Variants in IPO5 observed in about 807,000 individuals in gnomAD.
IPO5 encodes the protein importin-5.
IPO5 carries 18 observed loss-of-function variants against 143.3 expected under a neutral mutation model. The observed-to-expected ratio is 0.13, with a 90% confidence interval of 0.09 to 0.19. The LOEUF (loss-of-function observed/expected upper bound fraction) is 0.19, where lower values mean the gene tolerates loss of function less well. Ranked by LOEUF, IPO5 falls within the 10% of genes least tolerant of loss-of-function variation. The probability of loss-of-function intolerance (pLI) is 1.00; values close to 1 mark genes in which losing one functional copy is unlikely to be tolerated. For synonymous variants in IPO5, 477 were observed against 465.7 expected (o/e 1.02, Z -0.31); for missense variants, 1,013 against 1,336.9 (o/e 0.76, Z 3.78).
intron 6 of IPO5, among the ~76,000 whole-genome samples, chr13:97,988,652 G>A (rs1887573228): frequency 6.6e-6 from 1 of 152,200 alleles, no homozygotes; most frequent in South Asian, 2.1e-4. Flanking sequence ...GTCAGGCATG[G>A]TGGCAGGCGC....
At chr13:98,011,738 C>T (rs1182513480) in intron 20 of IPO5, among the ~76,000 whole-genome samples, 1 of 152,176 alleles carries the variant, frequency 6.6e-6, no homozygotes, top group Non-Finnish European at 1.5e-5. Context: ...AACTCCTGAC[C>T]TCGTGATCTA....
Position 98,015,230 on chromosome 13 carries a change from C to T in IPO5, c.2326-300C>T, listed in dbSNP as rs1253985729. On this transcript the variant is annotated intron_variant, in intron 22 of 28. Coordinates refer to ENST00000651721, the MANE Select transcript of IPO5 (RefSeq NM_002271.6). ...GAGTATGGATATAGCAATTGTGTTC[C>T]TTAGGAGCTGGTTGTGTGTGTGTGT... Among the ~76,000 whole-genome samples, 4 of 129,294 alleles carry T rather than the reference C, an allele frequency of 3.1e-5. No homozygotes were observed. The East Asian group carries it at 8.5e-4, about 28-fold the overall frequency. 84.8% of individuals were successfully genotyped at this position (129,294 alleles called of 152,430 possible).
At chr13:98,009,528 A>T (rs1454363874) in intron 18 of IPO5, among the ~76,000 whole-genome samples, 1 of 152,236 alleles carries the variant, frequency 6.6e-6, no homozygotes, top group Non-Finnish European at 1.5e-5. Flanking sequence ...AAAAATTTGT[A>T]ACTGGGAGTT....
chr13:98,012,229 C>G lies in IPO5; in HGVS notation c.2056-17C>G, dbSNP rs1400263194. On this transcript the variant is annotated splice_polypyrimidine_tract_variant and intron_variant, in intron 20 of 28. Transcript: ENST00000651721. ...ACTAACATGAATCTTTATTTCCTCCCAATACTTTGGTTACAGGTTTGCTAT... is the reference window on the plus strand; with the variant it reads ...ACTAACATGAATCTTTATTTCCTCCGAATACTTTGGTTACAGGTTTGCTAT... 1.4e-6 allele frequency: 2 copies of G among 1,443,730 alleles called. No homozygotes were observed. The highest frequency in any genetic ancestry group is 1.1e-5 in the South Asian group (1 of 87,504). 89.4% of individuals were successfully genotyped at this position (1,443,730 alleles called of 1,614,324 possible).
intron 17 of IPO5, among the ~76,000 whole-genome samples, chr13:98,007,020 C>T (rs1245077560): frequency 6.6e-6 from 1 of 151,502 alleles, no homozygotes; most frequent in East Asian, 1.9e-4. Flanking sequence ...CACCTGCCAC[C>T]ACTCCCAGCT....
At position 97,977,236 on chromosome 13, in the gene IPO5, C is replaced by T. The variant is rs1886449510; in HGVS notation, c.90+450C>T. Among the ~76,000 whole-genome samples the T allele has an allele frequency of 2.0e-5, 3 of 152,340 alleles. No homozygotes were observed. In the South Asian group the frequency reaches 6.2e-4, roughly 32 times the overall value. The stretch of plus-strand genomic sequence containing the variant: ...ACCCTGGCTGCTACCTGACCCGTCA[C>T]GCCTGCTTCTACCCCTGCTCATCTC... On this transcript the variant is annotated intron_variant, in intron 4 of 28. Transcript: ENST00000651721.
intron 16 of IPO5, among the ~76,000 whole-genome samples, chr13:98,004,787 A>G (rs1889077336): frequency 6.6e-6 from 1 of 152,222 alleles, no homozygotes; most frequent in African/African-American, 2.4e-5. Flanking sequence ...ACACAAGTTA[A>G]AGAACTCTGC....
intron 18 of IPO5, 106 bp from the exon 19 acceptor site, chr13:98,009,775 T>C: frequency 1.2e-6 from 1 of 848,548 alleles, no homozygotes; most frequent in Non-Finnish European, 1.8e-6. Context: ...TAAAGTACTG[T>C]GAACATATCA....
intron 17 of IPO5, among the ~76,000 whole-genome samples, chr13:98,006,992 G>T (rs1889318037): frequency 6.7e-6 from 1 of 150,326 alleles, no homozygotes; most frequent in Non-Finnish European, 1.5e-5. Context: ...CAGCCTCCCA[G>T]GTAGCTGAGA....
intron 11 of IPO5, 131 bp downstream of exon 11, chr13:97,993,356 G>A: frequency 1.3e-6 from 1 of 780,634 alleles, no homozygotes; most frequent in Non-Finnish European, 2.0e-6. Flanking sequence ...ATGAATTTGG[G>A]AAAATGCATC....
At position 98,006,280 on chromosome 13, in the gene IPO5, C is replaced by T. The variant is rs1889233363; in HGVS notation, c.1648C>T (p.Leu550=). Residue 550 remains leucine (L), a synonymous_variant, in exon 17 of 29, where the codon CTG becomes TTG. Coordinates refer to ENST00000651721, the MANE Select transcript of IPO5 (RefSeq NM_002271.6). ...HIVENAVQKE[L]RLLRGKTIEC... ...CGTTGAGAATGCGGTTCAAAAAGAA[C>T]TGAGACTTCTGAGAGGAAAAACTAT... The T allele has an allele frequency of 3.1e-6, 5 of 1,601,644 alleles. No homozygotes were observed. The South Asian group carries it at 4.4e-5, about 14-fold the overall frequency.
At chr13:97,998,824 A>G (rs956860609) in intron 12 of IPO5, among the ~76,000 whole-genome samples, 9 of 152,150 alleles carry the variant, frequency 5.9e-5, no homozygotes, top group African/African-American at 2.4e-5. Context: ...TTCCCAGTGC[A>G]TTATACTACC....
At chr13:98,017,334 G>T (rs1191164980) in intron 25 of IPO5, among the ~76,000 whole-genome samples, 1 of 150,638 alleles carries the variant, frequency 6.6e-6, no homozygotes, top group Admixed American at 6.6e-5. Context: ...TTGTTTGTTT[G>T]TTTGTTTGTT....
At chr13:97,986,029 A>C (rs1887310999) in intron 6 of IPO5, among the ~76,000 whole-genome samples, 1 of 152,084 alleles carries the variant, frequency 6.6e-6, no homozygotes, top group Non-Finnish European at 1.5e-5. Context: ...TGGGAGAATC[A>C]CCTGAGCCCC....
intron 22 of IPO5, among the ~76,000 whole-genome samples, chr13:98,014,907 G>C (rs751644226): frequency 1.3e-4 from 20 of 149,538 alleles, no homozygotes; most frequent in Non-Finnish European, 1.8e-4. Flanking sequence ...GGCTACTCCA[G>C]ATGTCTCCTT....
At chr13:97,985,276 G>T (rs927028556) in intron 5 of IPO5, 145 bp from the exon 6 acceptor site, 2 of 627,440 alleles carry the variant, frequency 3.2e-6, no homozygotes, top group African/African-American at 1.8e-5. Flanking sequence ...AACAAAATAA[G>T]TCTGTATAAT....
chr13:97,963,951 G>A (rs1271286933), intron 2 of IPO5, among the ~76,000 whole-genome samples: 1 of 152,052 alleles, frequency 6.6e-6, no homozygotes, highest in Non-Finnish European at 1.5e-5. Flanking sequence ...TGACCAGTGA[G>A]GATGAGCTTT....
intron 2 of IPO5, among the ~76,000 whole-genome samples, chr13:97,962,637 T>C (rs1189669623): frequency 6.6e-6 from 1 of 151,978 alleles, no homozygotes; most frequent in Non-Finnish European, 1.5e-5. Flanking sequence ...GCCAACATGG[T>C]GAAACCCCTG....
At chr13:98,007,135 C>A (rs538708597) in intron 17 of IPO5, among the ~76,000 whole-genome samples, 2 of 151,964 alleles carry the variant, frequency 1.3e-5, no homozygotes, top group Non-Finnish European at 2.9e-5. Context: ...TGTGAGCCAC[C>A]GCGCCCAGCC....
Sources: allele counts gnomAD v4.1 joint callset (sites outside exome capture counted in the v4.1 genomes callset), GRCh38; gene constraint gnomAD v4.1.1; transcripts MANE v1.5; gene names NCBI Gene and HGNC (gene_info 2026-07-23, HGNC 2026-07-21).